RIMBP2: variants seen among roughly 807,000 people sequenced by gnomAD.
The protein encoded by RIMBP2 is RIMS-binding protein 2.
In RIMBP2, 48 loss-of-function variants were observed where a neutral mutation model predicts 118.6. That is an observed-to-expected ratio of 0.40 (90% CI 0.32 to 0.51). RIMBP2 has a LOEUF of 0.51. Among genes scored for constraint, RIMBP2 ranks in the 20% least tolerant of loss-of-function variants. The pLI, the probability that RIMBP2 is intolerant of heterozygous loss-of-function variation, is 0.41. For missense variants in RIMBP2, 1,551 were observed against 1,768.3 expected, an observed-to-expected ratio of 0.88 and a Z score of 2.20; for synonymous variants, 762 against 742.9, an observed-to-expected ratio of 1.03 and a Z score of -0.42.
At position 130,691,750 on chromosome 12, in the gene RIMBP2, C is replaced by T. The variant is rs529790969; in HGVS notation, c.-352+24472G>A. Reference sequence around the variant, plus strand: ...AAAACAGCCCAGAAGGGAAGGAGCTCATGCAGACGGTGCAGCACATGGTAG... The same window carrying T: ...AAAACAGCCCAGAAGGGAAGGAGCTTATGCAGACGGTGCAGCACATGGTAG... On this transcript the variant is annotated intron_variant, in intron 1 of 22. Coordinates refer to ENST00000690449, the MANE Select transcript of RIMBP2 (RefSeq NM_001393629.1). Among the ~76,000 whole-genome samples the T allele has an allele frequency of 2.6e-4, 39 of 152,352 alleles. No homozygotes were observed. In the East Asian group the frequency reaches 6.4e-3, roughly 25 times the overall value.
At chr12:130,480,353 A>G (rs1238124908) in intron 4 of RIMBP2, among the ~76,000 whole-genome samples, 1 of 152,128 alleles carries the variant, frequency 6.6e-6, no homozygotes, top group African/African-American at 2.4e-5. Context: ...CTGAGAAGGG[A>G]GTGGGAGCTG....
chr12:130,400,338 A>G (rs556415559), intron 21 of RIMBP2, among the ~76,000 whole-genome samples: 26 of 152,338 alleles, frequency 1.7e-4, no homozygotes, highest in African/African-American at 5.8e-4. Context: ...TAAACATTCA[A>G]ACAATATGGA....
intron 2 of RIMBP2, among the ~76,000 whole-genome samples, chr12:130,538,072 T>C (rs770904599): frequency 2.6e-5 from 4 of 152,026 alleles, no homozygotes; most frequent in South Asian, 2.1e-4. Flanking sequence ...AAAAAACAAA[T>C]AGGGCCTCAT....
At chr12:130,407,104 C>G (rs2075250822) in intron 20 of RIMBP2, among the ~76,000 whole-genome samples, 1 of 152,246 alleles carries the variant, frequency 6.6e-6, no homozygotes, top group Non-Finnish European at 1.5e-5. Flanking sequence ...ATATTCACAA[C>G]CAAACACATT....
At chr12:130,508,457 G>A (rs929593439) in intron 3 of RIMBP2, among the ~76,000 whole-genome samples, 7 of 151,780 alleles carry the variant, frequency 4.6e-5, no homozygotes, top group East Asian at 1.9e-4. Context: ...TTCCCACCCC[G>A]GGGCCCCTGC....
intron 1 of RIMBP2, among the ~76,000 whole-genome samples, chr12:130,678,939 G>T (rs1374302761): frequency 6.6e-6 from 1 of 152,236 alleles, no homozygotes; most frequent in South Asian, 2.1e-4. Context: ...AGGGGACAGG[G>T]TTTGCTTTGG....
At chr12:130,547,558 A>G (rs1022532103) in intron 2 of RIMBP2, among the ~76,000 whole-genome samples, 1 of 152,236 alleles carries the variant, frequency 6.6e-6, no homozygotes. Flanking sequence ...GAGACATCAT[A>G]AAACCCCAAA....
At chr12:130,708,646 A>G (rs7962716) in intron 1 of RIMBP2, among the ~76,000 whole-genome samples, 55,004 of 151,968 alleles carry the variant, frequency 0.36, 10,857 homozygotes, top group African/African-American at 0.51. Context: ...GGATTATGCC[A>G]CTGCACTCCA....
In RIMBP2 at chr12:130,424,310, G is replaced by A. The variant is rs746727309; in HGVS notation, c.2961C>T (p.Asp987=). ...GCCTCTCCGGGCCGGGCTGGGGGTCGTCGTTCCTGAGGAGGCCACCAGGGC... is the reference window on the plus strand; with the variant it reads ...GCCTCTCCGGGCCGGGCTGGGGGTCATCGTTCCTGAGGAGGCCACCAGGGC... ...QVGPGGLLRN[D]DPQPGPERPP... Residue 987 remains aspartate, a synonymous_variant, in exon 16 of 23, where the codon GAC becomes GAT. Coordinates refer to ENST00000690449, the MANE Select transcript of RIMBP2 (RefSeq NM_001393629.1). This position sits in a 1 kb window ranked among gnomAD's most constrained non-coding sequence, Gnocchi z 9.8. The A allele has an allele frequency of 4.8e-5, 59 of 1,231,536 alleles. 1 individual carries two copies. The East Asian group carries it at 5.1e-4, about 11-fold the overall frequency. 76.3% of individuals were successfully genotyped at this position (1,231,536 alleles called of 1,614,324 possible).
At chr12:130,638,411 C>T (rs760554187) in intron 1 of RIMBP2, among the ~76,000 whole-genome samples, 20 of 152,326 alleles carry the variant, frequency 1.3e-4, no homozygotes, top group South Asian at 6.2e-4. Context: ...CCAACTCTAT[C>T]GGGGTCCCGA....
intron 1 of RIMBP2, among the ~76,000 whole-genome samples, chr12:130,676,558 GGTT>G (rs1215848864): frequency 6.6e-6 from 1 of 151,906 alleles, no homozygotes; most frequent in Admixed American, 6.6e-5. Flanking sequence ...GGGAGGTGGA[GGTT>G]GCAGTGAGCC....
chr12:130,626,201 C>A (rs573048578), intron 2 of RIMBP2, among the ~76,000 whole-genome samples: 1 of 152,314 alleles, frequency 6.6e-6, no homozygotes, highest in South Asian at 2.1e-4. Flanking sequence ...TCACATCAGA[C>A]CTTTTCTGCC....
intron 2 of RIMBP2, among the ~76,000 whole-genome samples, chr12:130,571,576 T>A (rs77562513): frequency 6.6e-6 from 1 of 152,048 alleles, no homozygotes; most frequent in African/African-American, 2.4e-5. Context: ...CCCGCCACCA[T>A]GCCCAGCTAA....
chr12:130,405,133 G>T (rs2075036464), intron 21 of RIMBP2, among the ~76,000 whole-genome samples: 2 of 151,914 alleles, frequency 1.3e-5, no homozygotes, highest in South Asian at 4.1e-4. Context: ...TGACCCCCAA[G>T]GCAGAAACAT....
intron 13 of RIMBP2, among the ~76,000 whole-genome samples, chr12:130,436,504 G>A (rs2077528295): frequency 6.6e-6 from 1 of 152,170 alleles, no homozygotes; most frequent in South Asian, 2.1e-4. Context: ...GCCTGGTTCA[G>A]GAAAGTGGGT....
intron 1 of RIMBP2, among the ~76,000 whole-genome samples, chr12:130,644,449 G>A (rs1354572081): frequency 6.6e-6 from 1 of 152,106 alleles, no homozygotes; most frequent in African/African-American, 2.4e-5. Flanking sequence ...CTCTACCTGT[G>A]GCCGAATTCA....
rs778095441 is a variant in RIMBP2, at chr12:130,434,690, C to T, written c.2253+44G>A. 7 of 1,581,526 alleles carry T rather than the reference C, an allele frequency of 4.4e-6. No homozygotes were observed. Among genetic ancestry groups the T allele is most frequent in the Non-Finnish European group, 4.3e-6 (5 of 1,165,730 alleles). On this transcript the variant is annotated intron_variant, in intron 14 of 22. Coordinates refer to ENST00000690449, the MANE Select transcript of RIMBP2 (RefSeq NM_001393629.1). This position sits in a 1 kb window ranked among gnomAD's most constrained non-coding sequence, Gnocchi z 5.7. ...GATCTCCACGGGGCCCGCTCCGAGC[C>T]CGCGCCCACCAGGAGGATGGTGTGG...
intron 2 of RIMBP2, among the ~76,000 whole-genome samples, chr12:130,604,077 G>A (rs1370589602): frequency 6.6e-6 from 1 of 152,160 alleles, no homozygotes; most frequent in Non-Finnish European, 1.5e-5. Context: ...GTGCAAGACG[G>A]TGATGTGATG....
intron 2 of RIMBP2, among the ~76,000 whole-genome samples, chr12:130,564,683 A>G (rs1340608014): frequency 2.6e-5 from 4 of 152,206 alleles, no homozygotes; most frequent in Admixed American, 1.3e-4. Context: ...CACTCCTTTT[A>G]TATAAGGCCT....
Sources: gnomAD v4.1 joint callset for allele counts (sites outside exome capture counted in the v4.1 genomes callset) on GRCh38, gnomAD v4.1.1 for gene constraint, Gnocchi (gnomAD v3.1) non-coding constraint, MANE v1.5 for transcripts, NCBI Gene and HGNC (gene_info 2026-07-23, HGNC 2026-07-21) for gene names.